FAM149B1: variants seen among roughly 807,000 people sequenced by gnomAD.
The protein encoded by FAM149B1 is primary cilium assembly protein FAM149B1.
In FAM149B1, 56 loss-of-function variants were observed where a neutral mutation model predicts 75.3. The ratio of observed to expected loss-of-function variants is 0.74; its 90% CI spans 0.60 to 0.93. The LOEUF is 0.93. Among genes scored for constraint, FAM149B1 ranks in the 40% least tolerant of loss-of-function variants. The probability of loss-of-function intolerance (pLI) is 0.00; values close to 1 mark genes in which losing one functional copy is unlikely to be tolerated. For missense variants in FAM149B1, 639 were observed against 708.4 expected (o/e 0.90, Z 1.11); for synonymous variants, 259 against 256.1 (o/e 1.01, Z -0.11).
rs1843528017 is a variant in FAM149B1 at position 73,168,160 on chromosome 10, A to AGAGGTGGGGACCCTGGG, written c.-172_-156dup. ...CAAAGCAGGGAGGTCGGAGGACTGG[A>AGAGGTGGGGACCCTGGG]GAGGTGGGGACCCTGGGGAGGTGGC... On this transcript the variant is annotated 5_prime_UTR_variant, in exon 1 of 14. Transcript: ENST00000242505. The AGAGGTGGGGACCCTGGG allele has an allele frequency of 6.4e-6, 4 of 625,676 alleles. No individual in the cohort carries two copies. The highest frequency in any genetic ancestry group is 1.1e-5 in the Non-Finnish European group (4 of 366,184). The allele number at this position is 625,676 out of a possible 1,614,324, so 38.8% of individuals were successfully genotyped here.
intron 12 of FAM149B1, among the ~76,000 whole-genome samples, chr10:73,236,517 G>A (rs534165436): frequency 2.4e-4 from 36 of 150,626 alleles, no homozygotes; most frequent in African/African-American, 8.5e-4. Context: ...GGGTTCATGT[G>A]ATTCTCCTGC....
intron 4 of FAM149B1, among the ~76,000 whole-genome samples, chr10:73,193,055 C>G (rs1289395145): frequency 1.3e-5 from 2 of 152,192 alleles, no homozygotes; most frequent in Non-Finnish European, 2.9e-5. Context: ...ATAGGCTATT[C>G]AAGAGCTTCC....
intron 8 of FAM149B1, among the ~76,000 whole-genome samples, chr10:73,228,675 G>A (rs2043614149): frequency 6.6e-6 from 1 of 151,950 alleles, no homozygotes; most frequent in Non-Finnish European, 1.5e-5. Context: ...TCGGCTCACT[G>A]CAACCTCCGC....
chr10:73,219,536 GT>G (rs2043363428), intron 7 of FAM149B1, among the ~76,000 whole-genome samples: 1 of 152,226 alleles, frequency 6.6e-6, no homozygotes, highest in Non-Finnish European at 1.5e-5. Context: ...AAAACTGGTT[GT>G]GTGAAACTGG....
Position 73,242,301 on chromosome 10 carries a change from T to C in FAM149B1, c.*1282T>C, listed in dbSNP as rs934459051. 3.3e-5 allele frequency: 5 copies of C among 152,214 alleles called. No individual in the cohort carries two copies. The highest frequency in any genetic ancestry group is 7.3e-5 in the Non-Finnish European group (5 of 68,030). The allele number at this position is 152,214 out of a possible 1,614,324, so 9.4% of individuals were successfully genotyped here. A position where few individuals can be genotyped will look rare whatever the true frequency, so the allele number is the denominator to read the frequency against. The stretch of plus-strand genomic sequence containing the variant: ...TTTAAACAGTCCCTTAAAAATTCCA[T>C]ATATTCTCATACCAACTCATCTACA... On this transcript the variant is annotated 3_prime_UTR_variant, in exon 14 of 14. Transcript: ENST00000242505.
At chr10:73,185,981 T>C (rs12268713) in intron 3 of FAM149B1, among the ~76,000 whole-genome samples, 23,953 of 152,076 alleles carry the variant, frequency 0.16, 3,141 homozygotes, top group African/African-American at 0.34. Context: ...ATACCAAAGT[T>C]AGTCATCACA....
intron 7 of FAM149B1, among the ~76,000 whole-genome samples, chr10:73,227,188 A>G (rs1411163609): frequency 6.6e-6 from 1 of 152,168 alleles, no homozygotes; most frequent in African/African-American, 2.4e-5. Context: ...CCTGGGCTGA[A>G]GCTGTCCTCC....
chr10:73,198,659 G>C (rs1249987188), intron 5 of FAM149B1, among the ~76,000 whole-genome samples: 1 of 152,124 alleles, frequency 6.6e-6, no homozygotes, highest in Non-Finnish European at 1.5e-5. Flanking sequence ...ACAAAAATTA[G>C]CTTGGCGTGG....
In FAM149B1 at chr10:73,180,839, G is replaced by A. The variant is rs373404637; in HGVS notation, c.282+2864G>A. On this transcript the variant is annotated intron_variant, in intron 3 of 13. Transcript: ENST00000242505. ...TACTCACCCTTTGTGCTATGAAATA[G>A]TAGGTCTTATTCATTCTTTCTGTTT... Among the ~76,000 whole-genome samples the A allele has an allele frequency of 5.3e-4, 81 of 152,088 alleles. No homozygotes were observed. In the East Asian group the frequency reaches 6.9e-3, roughly 13 times the overall value.
Position 73,208,631 on chromosome 10 carries a change from G to C in FAM149B1, c.555G>C (p.Arg185Ser). 1 of 1,525,008 alleles carries C rather than the reference G, an allele frequency of 6.6e-7. No homozygotes were observed. The highest frequency in any genetic ancestry group is 8.8e-7 in the Non-Finnish European group (1 of 1,131,260). 94.5% of individuals were successfully genotyped at this position (1,525,008 alleles called of 1,614,324 possible). Reference sequence around the variant, plus strand: ...TTTCCACTCCAAGATTTGGTATAAGGGGAAAGAAGTTACATTTTTCATCTT... The same window carrying C: ...TTTCCACTCCAAGATTTGGTATAAGCGGAAAGAAGTTACATTTTTCATCTT... ...QERDSTIFGI[R>S]GKKLHFSSSY... is the part of the protein sequence containing the mutation. Residue 185 changes from arginine to serine, a missense_variant, in exon 6 of 14, where the codon AGG (arginine) becomes AGC (serine). Physicochemically the swap from Arg to Ser is moderately radical, Grantham distance 110 (BLOSUM62 -1). Coordinates refer to ENST00000242505, the MANE Select transcript of FAM149B1 (RefSeq NM_173348.2).
At chr10:73,171,326 G>A (rs925663598) in intron 1 of FAM149B1, among the ~76,000 whole-genome samples, 5 of 152,112 alleles carry the variant, frequency 3.3e-5, no homozygotes, top group Non-Finnish European at 7.4e-5. Context: ...GAATAATGAA[G>A]ATAATGAAGA....
chr10:73,229,814 G>A (rs940991222), intron 8 of FAM149B1, among the ~76,000 whole-genome samples: 3 of 152,144 alleles, frequency 2.0e-5, no homozygotes, highest in African/African-American at 7.2e-5. Context: ...CTGTGGCAGC[G>A]GAGACTGCCA....
rs753693466 is a variant in FAM149B1, at chr10:73,192,591, A to G, written c.318A>G (p.Thr106=). 19 of 1,551,556 alleles carry G rather than the reference A, an allele frequency of 1.2e-5. No homozygotes were observed. The South Asian group carries it at 2.1e-4, about 18-fold the overall frequency. ...LDQNATEKVQ[T]MFTAIDELLY... ...AAAATGCCACTGAAAAAGTCCAGAC[A>G]ATGTTCACAGCCATTGATGAACTCT... The change falls in exon 4 of 14, where the codon ACA becomes ACG. Residue 106 remains threonine, a synonymous_variant. Transcript: ENST00000242505.
chr10:73,212,999 C>T (rs1221340163), intron 7 of FAM149B1, among the ~76,000 whole-genome samples: 1 of 152,090 alleles, frequency 6.6e-6, no homozygotes, highest in Non-Finnish European at 1.5e-5. Flanking sequence ...TGCACCACCA[C>T]GACTGGCTAA....
intron 7 of FAM149B1, among the ~76,000 whole-genome samples, chr10:73,211,344 A>G (rs920908501): frequency 1.3e-5 from 2 of 152,022 alleles, no homozygotes; most frequent in Non-Finnish European, 2.9e-5. Flanking sequence ...TCCCTACCCA[A>G]TCCTCAGACT....
chr10:73,226,868 T>TA lies in FAM149B1; in HGVS notation c.899-1192_899-1191insA, dbSNP rs554949323. Among the ~76,000 whole-genome samples the TA allele has an allele frequency of 3.4e-3, 514 of 152,266 alleles. 3 individuals are homozygous for TA. Among genetic ancestry groups the TA allele is most frequent in the African/African-American group, 0.011 (465 of 41,548 alleles). On this transcript the variant is annotated intron_variant, in intron 7 of 13. Coordinates refer to ENST00000242505, the MANE Select transcript of FAM149B1 (RefSeq NM_173348.2). ...AGGTGCTGGTACAAACCTATCTCTATTATTAGAGCAACTTTCCCAACCTCT... is the reference window on the plus strand; with the variant it reads ...AGGTGCTGGTACAAACCTATCTCTATATATTAGAGCAACTTTCCCAACCTCT...
intron 1 of FAM149B1, among the ~76,000 whole-genome samples, chr10:73,171,635 T>C (rs1187566776): frequency 2.0e-5 from 3 of 150,532 alleles, no homozygotes; most frequent in Non-Finnish European, 3.0e-5. Context: ...TCTTTCTTTT[T>C]TTTTTTTTTT....
rs1162662601 is a variant in FAM149B1 at position 73,235,194 on chromosome 10, A to G, written c.1478A>G (p.Lys493Arg). ...VSTVGPQRQM[K>R]PHGDSSRAQS... is the part of the protein sequence containing the mutation. ...CTGTAACTTTTGTCTCCTCTGCAGA[A>G]ACCCCATGGCGACTCTAGTCGAGCT... Residue 493 changes from lysine (K) to arginine (R), a missense_variant and splice_region_variant, in exon 12 of 14, where the codon AAA (lysine) becomes AGA (arginine). By Grantham distance (26) the Lys-to-Arg change is conservative. Coordinates refer to ENST00000242505, the MANE Select transcript of FAM149B1 (RefSeq NM_173348.2). 1.9e-5 allele frequency: 29 copies of G among 1,551,542 alleles called. No homozygotes were observed. Among genetic ancestry groups the G allele is most frequent in the Non-Finnish European group, 2.3e-5 (26 of 1,146,950 alleles).
rs2042955524 is a variant in FAM149B1, at chr10:73,202,240, C to G, written c.543-6379C>G. On this transcript the variant is annotated intron_variant, in intron 5 of 13. Transcript: ENST00000242505. ...AATACTATCTTATTTTTTGCTGCAG[C>G]TTTAGGGGAAATGGGAATATTTTTT... is the stretch of plus-strand genomic sequence containing the variant. Among the ~76,000 whole-genome samples, 3 of 152,058 alleles carry G rather than the reference C, an allele frequency of 2.0e-5. No individual in the cohort carries two copies. The South Asian group carries it at 6.2e-4, about 31-fold the overall frequency.
Sources: gnomAD v4.1 joint callset for allele counts (sites outside exome capture counted in the v4.1 genomes callset) on GRCh38, gnomAD v4.1.1 for gene constraint, MANE v1.5 for transcripts, NCBI Gene and HGNC (gene_info 2026-07-23, HGNC 2026-07-21) for gene names.